The following CDKAL1 variants were observed in gnomAD, a reference collection of about 807,000 sequenced individuals.
CDKAL1 encodes the protein threonylcarbamoyladenosine tRNA methylthiotransferase.
A neutral mutation model predicts 68.2 loss-of-function variants in CDKAL1; 32 were observed. The ratio of observed to expected loss-of-function variants is 0.47; its 90% CI spans 0.35 to 0.63. The LOEUF (loss-of-function observed/expected upper bound fraction) is 0.63. CDKAL1 is among the 30% of genes least tolerant of loss of function. The probability of loss-of-function intolerance (pLI) is 0.00; values close to 1 mark genes in which losing one functional copy is unlikely to be tolerated. For missense variants in CDKAL1, 606 were observed against 696.7 expected (o/e 0.87, Z 1.47); for synonymous variants, 234 against 244.3 (o/e 0.96, Z 0.39).
At chr6:20,648,128 A>T (rs1021125714) in intron 4 of CDKAL1, among the ~76,000 whole-genome samples, 1 of 136,748 alleles carries the variant, frequency 7.3e-6, no homozygotes, top group South Asian at 2.4e-4. Flanking sequence ...TACTGGGGGA[A>T]TTTTTTTTTT....
chr6:21,001,273 A>G (rs1767413221), intron 11 of CDKAL1, among the ~76,000 whole-genome samples: 1 of 152,236 alleles, frequency 6.6e-6, no homozygotes, highest in South Asian at 2.1e-4. Context: ...GTACCTTTGT[A>G]CTATGTCAGA....
intron 13 of CDKAL1, among the ~76,000 whole-genome samples, chr6:21,109,240 C>G (rs1351127435): frequency 2.0e-5 from 3 of 152,180 alleles, no homozygotes; most frequent in Non-Finnish European, 4.4e-5. Context: ...TCCAGTAAAT[C>G]TGTTAATTCG....
chr6:21,032,074 A>G (rs1338104260), intron 11 of CDKAL1, among the ~76,000 whole-genome samples: 2 of 152,052 alleles, frequency 1.3e-5, no homozygotes, highest in Non-Finnish European at 2.9e-5. Flanking sequence ...TCTTAATGCT[A>G]TCTATATACT....
At chr6:21,177,507 T>C (rs1487464371) in intron 13 of CDKAL1, among the ~76,000 whole-genome samples, 1 of 152,202 alleles carries the variant, frequency 6.6e-6, no homozygotes, top group African/African-American at 2.4e-5. Context: ...TGAGTTTTTT[T>C]CCCACTGTCC....
chr6:20,931,411 G>A (rs1169664005), intron 9 of CDKAL1, among the ~76,000 whole-genome samples: 5 of 152,144 alleles, frequency 3.3e-5, no homozygotes, highest in African/African-American at 1.2e-4. Flanking sequence ...AGATATTAAT[G>A]TCCTCATCGT....
chr6:20,764,261 T>C (rs1363781700), intron 7 of CDKAL1, among the ~76,000 whole-genome samples: 3 of 152,216 alleles, frequency 2.0e-5, no homozygotes, highest in Non-Finnish European at 2.9e-5. Flanking sequence ...AAAATGTTTT[T>C]ACCATTACGT....
chr6:20,721,207 T>G (rs1020077242), intron 5 of CDKAL1, among the ~76,000 whole-genome samples: 14 of 148,904 alleles, frequency 9.4e-5, no homozygotes, highest in African/African-American at 2.7e-4. Context: ...TGAGAACATG[T>G]GGTGTTTGGT....
chr6:20,910,649 G>A (rs1762429175), intron 9 of CDKAL1, among the ~76,000 whole-genome samples: 1 of 152,054 alleles, frequency 6.6e-6, no homozygotes, highest in Admixed American at 6.5e-5. Flanking sequence ...TGGTGTTGTG[G>A]GTTAAATAGT....
At chr6:21,100,438 G>A (rs145869688) in intron 12 of CDKAL1, among the ~76,000 whole-genome samples, 108 of 152,272 alleles carry the variant, frequency 7.1e-4, no homozygotes, top group African/African-American at 2.6e-3. Flanking sequence ...CCTTGAATCT[G>A]CTGTAAATGG....
intron 13 of CDKAL1, among the ~76,000 whole-genome samples, chr6:21,147,381 G>T (rs1392410289): frequency 1.3e-5 from 2 of 152,172 alleles, no homozygotes; most frequent in African/African-American, 2.4e-5. Context: ...TTCCTTATGA[G>T]ATTGGCAAAT....
At chr6:20,604,096 C>G (rs769457102) in intron 4 of CDKAL1, among the ~76,000 whole-genome samples, 1 of 152,002 alleles carries the variant, frequency 6.6e-6, no homozygotes. Context: ...CATGTGAATG[C>G]CTGTTAAAGG....
intron 4 of CDKAL1, among the ~76,000 whole-genome samples, chr6:20,631,448 CTT>C (rs1767671648): frequency 1.3e-5 from 2 of 152,170 alleles, no homozygotes; most frequent in African/African-American, 4.8e-5. Context: ...TGGTGTCACT[CTT>C]TGTATTAGCC....
At chr6:20,570,833 C>CA (rs962196384) in intron 4 of CDKAL1, among the ~76,000 whole-genome samples, 7 of 151,324 alleles carry the variant, frequency 4.6e-5, no homozygotes, top group East Asian at 1.9e-4. Context: ...TTGATCATTA[C>CA]AAAAAAAAGG....
At chr6:20,653,326 T>C (rs1385339479) in intron 5 of CDKAL1, among the ~76,000 whole-genome samples, 1 of 152,230 alleles carries the variant, frequency 6.6e-6, no homozygotes, top group East Asian at 1.9e-4. Flanking sequence ...GTAGTGTGCA[T>C]TCTCACCAGT....
At chr6:20,577,177 C>T (rs940772018) in intron 4 of CDKAL1, among the ~76,000 whole-genome samples, 2 of 152,054 alleles carry the variant, frequency 1.3e-5, no homozygotes, top group African/African-American at 4.8e-5. Context: ...GAAGGCTTTC[C>T]GAGTCTATAG....
intron 11 of CDKAL1, among the ~76,000 whole-genome samples, chr6:21,050,418 CAAG>C (rs1770480427): frequency 6.6e-6 from 1 of 152,260 alleles, no homozygotes; most frequent in Non-Finnish European, 1.5e-5. Context: ...GTACTGCGCC[CAAG>C]AAGGAGGATA....
intron 12 of CDKAL1, among the ~76,000 whole-genome samples, chr6:21,067,994 G>A (rs1266944823): frequency 1.3e-5 from 2 of 151,936 alleles, no homozygotes; most frequent in Admixed American, 6.6e-5. Flanking sequence ...AGCTATTTGG[G>A]TGTCTTTCTT....
At chr6:20,746,803 G>A (rs1773681932) in intron 6 of CDKAL1, among the ~76,000 whole-genome samples, 1 of 152,130 alleles carries the variant, frequency 6.6e-6, no homozygotes, top group South Asian at 2.1e-4. Flanking sequence ...GATTACTAGA[G>A]TCAAGCAAAA....
intron 8 of CDKAL1, among the ~76,000 whole-genome samples, chr6:20,845,362 T>C (rs146829880): frequency 1.3e-5 from 2 of 152,282 alleles, no homozygotes; most frequent in East Asian, 3.9e-4. Context: ...TATTTTAATA[T>C]TATAAGAGTA....
Sources: gnomAD v4.1 joint callset for allele counts (sites outside exome capture counted in the v4.1 genomes callset) on GRCh38, gnomAD v4.1.1 for gene constraint, MANE v1.5 for transcripts, NCBI Gene and HGNC (gene_info 2026-07-23, HGNC 2026-07-21) for gene names.